The following SH3RF3 variants were observed in gnomAD, a reference collection of about 807,000 sequenced individuals.
SH3RF3 encodes the protein SH3 domain containing ring finger 3, also known as E3 ubiquitin-protein ligase SH3RF3.
Under a neutral mutation model 66.3 loss-of-function variants are expected in SH3RF3, and 29 were observed. The observed-to-expected ratio is 0.44, with a 90% confidence interval of 0.33 to 0.60. SH3RF3 has a LOEUF of 0.60. Among genes scored for constraint, SH3RF3 ranks in the 20% least tolerant of loss-of-function variants. SH3RF3 has a pLI of 0.04. For synonymous variants in SH3RF3, 583 were observed against 532.0 expected, an observed-to-expected ratio of 1.10 and a Z score of -1.32; for missense variants, 1,194 against 1,190.9, an observed-to-expected ratio of 1.00 and a Z score of -0.04.
Position 109,437,166 on chromosome 2 carries a change from ACCCT to A in SH3RF3, c.1828+21_1828+24del. The A allele has an allele frequency of 6.3e-7, 1 of 1,593,928 alleles. No homozygotes were observed. The highest frequency in any genetic ancestry group is 1.1e-5 in the South Asian group (1 of 89,018). On this transcript the variant is annotated intron_variant, in intron 7 of 9. Transcript: ENST00000309415. ...CAACAGGTACCTTCACAGGGGCCTC[ACCCT>A]GCAGGGCATCAACAAGGGGGCTTCC...
chr2:109,219,755 C>T (rs1679188064), intron 1 of SH3RF3, among the ~76,000 whole-genome samples: 1 of 152,166 alleles, frequency 6.6e-6, no homozygotes, highest in Non-Finnish European at 1.5e-5. Flanking sequence ...GATTGGCACA[C>T]TGAAAACTAC....
intron 1 of SH3RF3, among the ~76,000 whole-genome samples, chr2:109,139,814 C>T (rs781710359): frequency 1.3e-5 from 2 of 152,218 alleles, no homozygotes; most frequent in Non-Finnish European, 2.9e-5. Context: ...TTTTCAATCA[C>T]CTCTTTGCCA....
At chr2:109,457,956 A>T (rs1431415701) in intron 8 of SH3RF3, among the ~76,000 whole-genome samples, 1 of 152,206 alleles carries the variant, frequency 6.6e-6, no homozygotes, top group East Asian at 1.9e-4. Context: ...TTTTGGTCCC[A>T]TAACTGAGGG....
At chr2:109,222,476 A>G (rs1292907660) in intron 1 of SH3RF3, among the ~76,000 whole-genome samples, 1 of 148,620 alleles carries the variant, frequency 6.7e-6, no homozygotes, top group African/African-American at 2.6e-5. Flanking sequence ...ATTATGTATC[A>G]GTAAAAGTTC....
chr2:109,187,716 TCTC>T (rs1419884076), intron 1 of SH3RF3, among the ~76,000 whole-genome samples: 1 of 152,176 alleles, frequency 6.6e-6, no homozygotes, highest in Non-Finnish European at 1.5e-5. Flanking sequence ...CAGAATATAT[TCTC>T]CTTGTTAAGT....
rs558409972 is a variant in SH3RF3, at chr2:109,438,636, A to G, written c.1828+1490A>G. ...GCCCTGGGAAAGAATCTGCAGCAATATTACCTGGTGCCCAAGCCCACCCTG... is the reference window on the plus strand; with the variant it reads ...GCCCTGGGAAAGAATCTGCAGCAATGTTACCTGGTGCCCAAGCCCACCCTG... On this transcript the variant is annotated intron_variant, in intron 7 of 9. Coordinates refer to ENST00000309415, the MANE Select transcript of SH3RF3 (RefSeq NM_001099289.3). Among the ~76,000 whole-genome samples, 20 of 152,246 alleles carry G rather than the reference A, an allele frequency of 1.3e-4. 1 individual carries two copies. The South Asian group carries it at 4.2e-3, about 32-fold the overall frequency.
At chr2:109,300,622 TG>T (rs1207772660) in intron 1 of SH3RF3, among the ~76,000 whole-genome samples, 3 of 152,210 alleles carry the variant, frequency 2.0e-5, no homozygotes, top group Non-Finnish European at 4.4e-5. Flanking sequence ...AGGTTCTTCC[TG>T]GTGGTAAGAA....
At chr2:109,385,550 T>G (rs1008646518) in intron 3 of SH3RF3, among the ~76,000 whole-genome samples, 2 of 152,282 alleles carry the variant, frequency 1.3e-5, no homozygotes, top group Non-Finnish European at 2.9e-5. Flanking sequence ...GAGAATGAGT[T>G]TCCTTGAACT....
chr2:109,175,454 C>T (rs560506041), intron 1 of SH3RF3, among the ~76,000 whole-genome samples: 12 of 152,298 alleles, frequency 7.9e-5, no homozygotes, highest in Admixed American at 3.9e-4. Flanking sequence ...GGAAGCTTCA[C>T]GAGTTGGCAG....
chr2:109,436,816 G>A lies in SH3RF3; in HGVS notation c.1575-77G>A, dbSNP rs765937062. On this transcript the variant is annotated intron_variant, in intron 6 of 9. Transcript: ENST00000309415. ...TCTCTTAAAGCCAGCAGGTCAGAGC[G>A]AGGCTCTGCCAGAGGCCCACATGGC... 8.1e-5 allele frequency: 124 copies of A among 1,535,838 alleles called. 1 individual carries two copies. Among genetic ancestry groups the A allele is most frequent in the Middle Eastern group, 3.5e-4 (2 of 5,794 alleles).
rs181747714 is a variant in SH3RF3 at position 109,249,906 on chromosome 2, G to A, written c.574-97768G>A. 8.3e-3 allele frequency among the ~76,000 whole-genome samples: 1,259 copies of A among 150,888 alleles called. 15 individuals are homozygous for A. The highest frequency in any genetic ancestry group is 0.029 in the African/African-American group (1,206 of 41,092). On this transcript the variant is annotated intron_variant, in intron 1 of 9. Coordinates refer to ENST00000309415, the MANE Select transcript of SH3RF3 (RefSeq NM_001099289.3). ...TCACTGTGTTAGCCAGGATGGTCTC[G>A]ATCTCCTGACCTCATGATCCACCTG...
At chr2:109,420,694 C>G (rs1676854396) in intron 5 of SH3RF3, among the ~76,000 whole-genome samples, 1 of 152,170 alleles carries the variant, frequency 6.6e-6, no homozygotes. Flanking sequence ...ATCCGCCCGC[C>G]TTGGCCTCCC....
rs1353473730 is a variant in SH3RF3 at position 109,502,189 on chromosome 2, C to T, written c.*518C>T. The T allele has an allele frequency of 6.6e-6, 1 of 152,434 alleles. No individual in the cohort carries two copies. The highest frequency in any genetic ancestry group is 1.5e-5 in the Non-Finnish European group (1 of 68,116). The allele number at this position is 152,434 out of a possible 1,614,324, so 9.4% of individuals were successfully genotyped here. On this transcript the variant is annotated 3_prime_UTR_variant, in exon 10 of 10. Coordinates refer to ENST00000309415, the MANE Select transcript of SH3RF3 (RefSeq NM_001099289.3). Reference sequence around the variant, plus strand: ...CTGCTCAGCAGGGGTGTTTGTGAGGCCCTGGGGGTGCCCCGGAAGGGGCAC... The same window carrying T: ...CTGCTCAGCAGGGGTGTTTGTGAGGTCCTGGGGGTGCCCCGGAAGGGGCAC...
intron 1 of SH3RF3, among the ~76,000 whole-genome samples, chr2:109,142,047 G>A (rs953140325): frequency 6.6e-6 from 1 of 151,150 alleles, no homozygotes; most frequent in East Asian, 1.9e-4. Flanking sequence ...GTCTCCTGGG[G>A]GGGGGGTCTC....
At chr2:109,388,907 A>G (rs564637785) in intron 3 of SH3RF3, among the ~76,000 whole-genome samples, 1 of 152,196 alleles carries the variant, frequency 6.6e-6, no homozygotes, top group South Asian at 2.1e-4. Flanking sequence ...TAGGTAATAG[A>G]GATTAGTGGT....
intron 1 of SH3RF3, among the ~76,000 whole-genome samples, chr2:109,255,993 T>G (rs1251785307): frequency 6.6e-6 from 1 of 152,210 alleles, no homozygotes; most frequent in Non-Finnish European, 1.5e-5. Flanking sequence ...GAAGATTCCC[T>G]GTGTGTGCTT....
At chr2:109,453,690 G>A (rs1338806500) in intron 8 of SH3RF3, among the ~76,000 whole-genome samples, 1 of 152,238 alleles carries the variant, frequency 6.6e-6, no homozygotes, top group South Asian at 2.1e-4. Flanking sequence ...ATGATGGAAA[G>A]GTCAACCCTG....
At chr2:109,446,163 C>G (rs910742332) in intron 7 of SH3RF3, among the ~76,000 whole-genome samples, 1 of 152,174 alleles carries the variant, frequency 6.6e-6, no homozygotes, top group Non-Finnish European at 1.5e-5. Flanking sequence ...GATGAGCACA[C>G]TCTTCACCAG....
In SH3RF3 at chr2:109,338,917, CACAA is replaced by C. The variant is rs200921774; in HGVS notation, c.574-8753_574-8750del. The stretch of plus-strand genomic sequence containing the variant: ...TGTTGACCAGAAGCCTTACTGATAA[CACAA>C]ACAGTTGATCAACACATATCTTGGG... On this transcript the variant is annotated intron_variant, in intron 1 of 9. Coordinates refer to ENST00000309415, the MANE Select transcript of SH3RF3 (RefSeq NM_001099289.3). 4.8e-3 allele frequency among the ~76,000 whole-genome samples: 530 copies of C among 111,568 alleles called. 1 individual carries two copies. Among genetic ancestry groups the C allele is most frequent in the Non-Finnish European group, 6.7e-3 (382 of 57,360 alleles). 73.2% of individuals were successfully genotyped at this position (111,568 alleles called of 152,430 possible).
Sources: allele counts gnomAD v4.1 joint callset (sites outside exome capture counted in the v4.1 genomes callset), GRCh38; gene constraint gnomAD v4.1.1; transcripts MANE v1.5; gene names NCBI Gene and HGNC (gene_info 2026-07-23, HGNC 2026-07-21).